Variants in GAD2 observed in about 807,000 individuals in gnomAD.
GAD2 encodes the protein glutamate decarboxylase 2, also known as 65 kDa glutamic acid decarboxylase.
In GAD2, 22 loss-of-function variants were observed where a neutral mutation model predicts 80.1. The ratio of observed to expected loss-of-function variants is 0.27; its 90% CI spans 0.20 to 0.39. The LOEUF is 0.39. Among genes scored for constraint, GAD2 ranks in the 10% least tolerant of loss-of-function variants. The pLI is 1.00. For missense variants in GAD2, 624 were observed against 738.4 expected, an observed-to-expected ratio of 0.85 and a Z score of 1.80; for synonymous variants, 274 against 256.9, an observed-to-expected ratio of 1.07 and a Z score of -0.64.
At position 26,273,620 on chromosome 10, in the gene GAD2, T is replaced by C. The variant is rs2132307119; in HGVS notation, c.1093-16T>C. 6.2e-7 allele frequency: 1 copy of C among 1,610,436 alleles called. No homozygotes were observed. Among genetic ancestry groups the C allele is most frequent in the East Asian group, 2.2e-5 (1 of 44,838 alleles). On this transcript the variant is annotated splice_polypyrimidine_tract_variant and intron_variant, in intron 10 of 15. Transcript: ENST00000376261. ...TGACAAACTGCTACCATTTTCCTCA[T>C]ATGATTTTTTTTCAGGCAGCTTGGG...
chr10:26,231,352 G>GTATC (rs1307332131), intron 7 of GAD2, among the ~76,000 whole-genome samples: 1 of 152,186 alleles, frequency 6.6e-6, no homozygotes, highest in African/African-American at 2.4e-5. Flanking sequence ...TGAGGTATGT[G>GTATC]TATCTATGTG....
chr10:26,225,789 G>A (rs576205845), intron 6 of GAD2, among the ~76,000 whole-genome samples: 1 of 152,344 alleles, frequency 6.6e-6, no homozygotes, highest in East Asian at 1.9e-4. Flanking sequence ...AAAGGTGTTA[G>A]TTAAATGGAA....
rs754432375 is a variant in GAD2, at chr10:26,292,916, T to C, written c.1509T>C (p.Asn503=). ...MVFDGKPQHT[N]VCFWYIPPSL... is the part of the protein sequence containing the mutation. Reference sequence around the variant, plus strand: ...CCTCTTTGTAGCCTCAGCACACAAATGTCTGCTTCTGGTACATTCCTCCAA... The same window carrying C: ...CCTCTTTGTAGCCTCAGCACACAAACGTCTGCTTCTGGTACATTCCTCCAA... Residue 503 remains asparagine, a synonymous_variant, in exon 15 of 16, where the codon AAT becomes AAC. Transcript: ENST00000376261. 8 of 1,613,994 alleles carry C rather than the reference T, an allele frequency of 5.0e-6. 1 individual carries two copies. In the South Asian group the frequency reaches 8.8e-5, roughly 18 times the overall value.
intron 15 of GAD2, among the ~76,000 whole-genome samples, chr10:26,296,416 A>C (rs939802185): frequency 2.0e-5 from 3 of 148,350 alleles, no homozygotes; most frequent in African/African-American, 8.0e-5. Flanking sequence ...AAATATCTGG[A>C]TAACAGAAGT....
rs1429030429 is a variant in GAD2 at position 26,264,883 on chromosome 10, C to T, written c.921-4236C>T. 2.6e-5 allele frequency among the ~76,000 whole-genome samples: 4 copies of T among 152,304 alleles called. No individual in the cohort carries two copies. In the South Asian group the frequency reaches 6.2e-4, roughly 24 times the overall value. On this transcript the variant is annotated intron_variant, in intron 8 of 15. Coordinates refer to ENST00000376261, the MANE Select transcript of GAD2 (RefSeq NM_001134366.2). ...CTAAGCCCTACTCACTTAGGAAAGG[C>T]TGATAGTATCTCTAGTTTCAGCAGG...
Position 26,219,070 on chromosome 10 carries a change from G to A in GAD2, c.314G>A (p.Arg105Lys), listed in dbSNP as rs1363939020. The part of the protein sequence containing the change: ...TDLLPACDGE[R>K]PTLAFLQDVM... ...CTGCTGCCGGCGTGTGATGGAGAAA[G>A]GCCCACTTTGGCGTTTCTGCAAGAT... The change falls in exon 4 of 16, where the codon AGG (arginine) becomes AAG (lysine). Residue 105 changes from arginine to lysine, a missense_variant. Physicochemically the swap from Arg to Lys is conservative, Grantham distance 26 (BLOSUM62 2). Transcript: ENST00000376261. 33 of 1,591,350 alleles carry A rather than the reference G, an allele frequency of 2.1e-5. No individual in the cohort carries two copies. Among genetic ancestry groups the A allele is most frequent in the Non-Finnish European group, 2.8e-5 (33 of 1,167,856 alleles).
chr10:26,257,609 T>C (rs1252034233), intron 8 of GAD2, among the ~76,000 whole-genome samples: 1 of 145,580 alleles, frequency 6.9e-6, no homozygotes, highest in Non-Finnish European at 1.5e-5. Flanking sequence ...AGAAATCTGT[T>C]AGCCATTTTG....
intron 7 of GAD2, among the ~76,000 whole-genome samples, chr10:26,232,649 C>T (rs529800904): frequency 2.6e-5 from 4 of 151,944 alleles, no homozygotes; most frequent in South Asian, 4.2e-4. Context: ...ACTACAGGCA[C>T]GTGCCGCCAC....
At chr10:26,281,178 G>A (rs964775637) in intron 12 of GAD2, 91 bp downstream of exon 12, 41 of 944,190 alleles carry the variant, frequency 4.3e-5, no homozygotes, top group East Asian at 2.2e-4. Context: ...CAAGATCACC[G>A]GGTCTTCTCT....
At chr10:26,260,192 T>C (rs1844992991) in intron 8 of GAD2, among the ~76,000 whole-genome samples, 1 of 152,252 alleles carries the variant, frequency 6.6e-6, no homozygotes, top group Non-Finnish European at 1.5e-5. Context: ...TCATTCACTA[T>C]TTAATAATCC....
intron 6 of GAD2, among the ~76,000 whole-genome samples, chr10:26,225,254 CCATCCTGCCTTTTT>C (rs1844505884): frequency 6.6e-6 from 1 of 152,182 alleles, no homozygotes; most frequent in Non-Finnish European, 1.5e-5. Flanking sequence ...TCAGTCTTTT[CCATCCTGCCTTTTT>C]ATCACCAGCC....
intron 7 of GAD2, among the ~76,000 whole-genome samples, chr10:26,230,325 T>C (rs1438376768): frequency 6.6e-6 from 1 of 152,248 alleles, no homozygotes; most frequent in Admixed American, 6.5e-5. Context: ...GCTACGCCCA[T>C]GTAAGCAAAA....
chr10:26,292,380 C>A lies in GAD2; in HGVS notation c.1387-85C>A, dbSNP rs537418652. ...GTGCCAGACGGGGCTAAGACAGAGA[C>A]GGCAGGATGACGGTCAGTCTCCAGG... On this transcript the variant is annotated intron_variant, in intron 13 of 15. Coordinates refer to ENST00000376261, the MANE Select transcript of GAD2 (RefSeq NM_001134366.2). 21 of 974,924 alleles carry A rather than the reference C, an allele frequency of 2.2e-5. No homozygotes were observed. In the South Asian group the frequency reaches 3.0e-4, roughly 14 times the overall value. The allele number at this position is 974,924 out of a possible 1,614,324, so 60.4% of individuals were successfully genotyped here.
In GAD2 at chr10:26,217,796, G is replaced by C. The variant is rs1184704077; in HGVS notation, c.137-46G>C. On this transcript the variant is annotated intron_variant, in intron 2 of 15. Coordinates refer to ENST00000376261, the MANE Select transcript of GAD2 (RefSeq NM_001134366.2). The surrounding 1 kb of genome is among the most constrained non-coding windows in gnomAD (Gnocchi z 4.9). ...GGGTAGGCGGGAGCGAGGGAGCCGGGCCCGGCGGAGGATTGACGAGGCCCG... is the reference window on the plus strand; with the variant it reads ...GGGTAGGCGGGAGCGAGGGAGCCGGCCCCGGCGGAGGATTGACGAGGCCCG... 1 of 1,580,886 alleles carries C rather than the reference G, an allele frequency of 6.3e-7. No individual in the cohort carries two copies. Among genetic ancestry groups the C allele is most frequent in the Admixed American group, 1.8e-5 (1 of 54,994 alleles).
At chr10:26,272,030 G>A (rs1358650842) in intron 10 of GAD2, among the ~76,000 whole-genome samples, 1 of 152,192 alleles carries the variant, frequency 6.6e-6, no homozygotes, top group Admixed American at 6.5e-5. Flanking sequence ...AAAATGCTGG[G>A]ATTACAGGCA....
intron 4 of GAD2, among the ~76,000 whole-genome samples, chr10:26,221,643 A>T (rs544509680): frequency 3.9e-5 from 6 of 152,170 alleles, no homozygotes; most frequent in Non-Finnish European, 8.8e-5. Flanking sequence ...TTCCCAACTG[A>T]TCATGAGCAC....
At chr10:26,227,056 G>C (rs1034832903) in intron 6 of GAD2, among the ~76,000 whole-genome samples, 2 of 152,108 alleles carry the variant, frequency 1.3e-5, no homozygotes, top group Non-Finnish European at 2.9e-5. Flanking sequence ...GCAGTGGCAC[G>C]ATCTCAGCTC....
intron 11 of GAD2, among the ~76,000 whole-genome samples, chr10:26,278,514 A>T (rs1845237331): frequency 6.6e-6 from 1 of 152,192 alleles, no homozygotes. Context: ...GAAGTGATGA[A>T]ACCTGAACGC....
At chr10:26,249,913 C>A (rs1310188512) in intron 8 of GAD2, among the ~76,000 whole-genome samples, 1 of 152,060 alleles carries the variant, frequency 6.6e-6, no homozygotes, top group Non-Finnish European at 1.5e-5. Context: ...TGCCATGCAC[C>A]ACCAGGAGGG....
Sources: allele counts gnomAD v4.1 joint callset (sites outside exome capture counted in the v4.1 genomes callset), GRCh38; gene constraint gnomAD v4.1.1; non-coding constraint Gnocchi (gnomAD v3.1); transcripts MANE v1.5; gene names NCBI Gene and HGNC (gene_info 2026-07-23, HGNC 2026-07-21).